The following AUH variants were observed in gnomAD, a reference collection of about 807,000 sequenced individuals.
The protein encoded by AUH is AU RNA binding methylglutaconyl-CoA hydratase, also known as methylglutaconyl-CoA hydratase, mitochondrial.
AUH carries 29 observed loss-of-function variants against 42.3 expected under a neutral mutation model. The ratio of observed to expected loss-of-function variants is 0.69; its 90% CI spans 0.51 to 0.93. The LOEUF (loss-of-function observed/expected upper bound fraction) is 0.93, where lower values mean the gene tolerates loss of function less well. Among genes scored for constraint, AUH ranks in the 40% least tolerant of loss-of-function variants. The probability of loss-of-function intolerance (pLI) is 0.00; values close to 1 mark genes in which losing one functional copy is unlikely to be tolerated. For synonymous variants in AUH, 174 were observed against 166.4 expected (o/e 1.05, Z -0.35); for missense variants, 452 against 438.1 (o/e 1.03, Z -0.28).
At chr9:91,239,933 TC>T (rs994811786) in intron 6 of AUH, among the ~76,000 whole-genome samples, 18 of 152,154 alleles carry the variant, frequency 1.2e-4, no homozygotes, top group African/African-American at 4.3e-4. Context: ...AAAACGTTTT[TC>T]CAGAGCAAAT....
At chr9:91,330,971 G>C (rs947132552) in intron 3 of AUH, among the ~76,000 whole-genome samples, 2 of 152,148 alleles carry the variant, frequency 1.3e-5, no homozygotes, top group African/African-American at 4.8e-5. Context: ...GAAATTTACA[G>C]AATTATGTGC....
intron 6 of AUH, among the ~76,000 whole-genome samples, chr9:91,229,902 G>A (rs1364593640): frequency 6.6e-6 from 1 of 152,080 alleles, no homozygotes; most frequent in African/African-American, 2.4e-5. Context: ...CTTCTGGCTT[G>A]TAGGGTTTCT....
At chr9:91,337,842 T>C (rs1169819257) in intron 3 of AUH, among the ~76,000 whole-genome samples, 5 of 152,172 alleles carry the variant, frequency 3.3e-5, no homozygotes, top group South Asian at 2.1e-4. Context: ...GGTGGAGATA[T>C]AAAATTAGCT....
intron 6 of AUH, among the ~76,000 whole-genome samples, chr9:91,234,050 A>G (rs1216167357): frequency 1.3e-5 from 2 of 152,318 alleles, no homozygotes; most frequent in South Asian, 4.1e-4. Flanking sequence ...AGAGACTTCT[A>G]AACAAGTTCC....
At chr9:91,297,536 G>A (rs80108718) in intron 5 of AUH, among the ~76,000 whole-genome samples, 6,455 of 152,054 alleles carry the variant, frequency 0.042, 210 homozygotes, top group Non-Finnish European at 0.058. Context: ...CTCTAAAGAG[G>A]AAGATATTGG....
chr9:91,218,921 ATCT>A (rs1356267773), intron 7 of AUH: 6 of 985,234 alleles, frequency 6.1e-6, no homozygotes, highest in Non-Finnish European at 7.2e-6. Flanking sequence ...GTAACTCAAC[ATCT>A]TCTTATACAT....
At chr9:91,301,058 C>T (rs1260452572) in intron 4 of AUH, among the ~76,000 whole-genome samples, 1 of 152,164 alleles carries the variant, frequency 6.6e-6, no homozygotes, top group African/African-American at 2.4e-5. Context: ...TTATATTAAT[C>T]CTGGTATTTT....
At chr9:91,304,097 C>T (rs2131707059) in intron 4 of AUH, among the ~76,000 whole-genome samples, 1 of 152,288 alleles carries the variant, frequency 6.6e-6, no homozygotes, top group Non-Finnish European at 1.5e-5. Flanking sequence ...TCGATTCTAG[C>T]ACTAGGTTAA....
intron 3 of AUH, among the ~76,000 whole-genome samples, chr9:91,331,360 T>G (rs1207979051): frequency 6.6e-6 from 1 of 152,216 alleles, no homozygotes; most frequent in Non-Finnish European, 1.5e-5. Context: ...CAATGAGGTT[T>G]ATCTGAGGAG....
chr9:91,240,380 C>T (rs1319690805), intron 6 of AUH, among the ~76,000 whole-genome samples: 1 of 152,152 alleles, frequency 6.6e-6, no homozygotes, highest in East Asian at 1.9e-4. Context: ...GCCCAACCCT[C>T]ACTCACACCC....
Position 91,303,970 on chromosome 9 carries a change from C to G in AUH, c.506-5894G>C, listed in dbSNP as rs143719353. 4.7e-4 allele frequency among the ~76,000 whole-genome samples: 71 copies of G among 152,298 alleles called. 1 individual carries two copies. Among genetic ancestry groups the G allele is most frequent in the African/African-American group, 1.6e-3 (68 of 41,556 alleles). On this transcript the variant is annotated intron_variant, in intron 4 of 9. Transcript: ENST00000375731. ...GAGGCCCACACCAGGGTCATTGCTGCAAACATAATACCACAGGTGAGAGAT... is the reference window on the plus strand; with the variant it reads ...GAGGCCCACACCAGGGTCATTGCTGGAAACATAATACCACAGGTGAGAGAT...
At chr9:91,310,243 G>T (rs1400804691) in intron 4 of AUH, among the ~76,000 whole-genome samples, 1 of 152,156 alleles carries the variant, frequency 6.6e-6, no homozygotes. Context: ...CAGGAGCTTG[G>T]GTAGAAAAGA....
chr9:91,335,337 C>A (rs1000849580), intron 3 of AUH, among the ~76,000 whole-genome samples: 1 of 81,716 alleles, frequency 1.2e-5, no homozygotes, highest in Non-Finnish European at 2.0e-5. Flanking sequence ...CACCTAAAAT[C>A]TTGACTTTAT....
chr9:91,228,686 C>T (rs974147646), intron 6 of AUH, among the ~76,000 whole-genome samples: 99 of 149,290 alleles, frequency 6.6e-4, no homozygotes, highest in African/African-American at 2.4e-3. Context: ...CTCTTGTGGG[C>T]ATTTAGTGCT....
chr9:91,337,879 A>G (rs1830807623), intron 3 of AUH, among the ~76,000 whole-genome samples: 2 of 152,210 alleles, frequency 1.3e-5, no homozygotes, highest in African/African-American at 2.4e-5. Context: ...GTTTCTAGGT[A>G]ATGTCTGGAG....
Position 91,317,375 on chromosome 9 carries a change from A to G in AUH, c.505+7943T>C, listed in dbSNP as rs181043187. Among the ~76,000 whole-genome samples the G allele has an allele frequency of 1.7e-4, 26 of 152,278 alleles. No homozygotes were observed. In the East Asian group the frequency reaches 4.2e-3, roughly 25 times the overall value. ...TTTATTTTTTTAAACATGTTACAAT[A>G]AAGTTTTATAATTTCTCCAAATATG... On this transcript the variant is annotated intron_variant, in intron 4 of 9. Coordinates refer to ENST00000375731, the MANE Select transcript of AUH (RefSeq NM_001698.3).
At chr9:91,283,582 T>C (rs1826151538) in intron 6 of AUH, among the ~76,000 whole-genome samples, 1 of 152,080 alleles carries the variant, frequency 6.6e-6, no homozygotes, top group Non-Finnish European at 1.5e-5. Flanking sequence ...CAGCCCAAAA[T>C]CTCCTTAAGC....
In AUH at chr9:91,252,525, C is replaced by T. The variant is rs545821630; in HGVS notation, c.656-31533G>A. On this transcript the variant is annotated intron_variant, in intron 6 of 9. Coordinates refer to ENST00000375731, the MANE Select transcript of AUH (RefSeq NM_001698.3). ...AAGAGGCTGTCATTGGCAGTGTGAC[C>T]ACATCCATCACTACGCTACCTCTCT... 8.5e-5 allele frequency among the ~76,000 whole-genome samples: 13 copies of T among 152,226 alleles called. No individual in the cohort carries two copies. The South Asian group carries it at 2.7e-3, about 32-fold the overall frequency.
At chr9:91,330,634 T>C (rs1019963888) in intron 3 of AUH, among the ~76,000 whole-genome samples, 22 of 152,178 alleles carry the variant, frequency 1.4e-4, no homozygotes, top group African/African-American at 5.1e-4. Flanking sequence ...TGTACAAGCA[T>C]AGTCAGGGCA....
Sources: gnomAD v4.1 joint callset for allele counts (sites outside exome capture counted in the v4.1 genomes callset) on GRCh38, gnomAD v4.1.1 for gene constraint, MANE v1.5 for transcripts, NCBI Gene and HGNC (gene_info 2026-07-23, HGNC 2026-07-21) for gene names.